The following GALNTL6 variants were observed in gnomAD, a reference collection of about 807,000 sequenced individuals.
The protein encoded by GALNTL6 is polypeptide N-acetylgalactosaminyltransferase like 6, also known as polypeptide N-acetylgalactosaminyltransferase-like 6.
In GALNTL6, 46 loss-of-function variants were observed where a neutral mutation model predicts 73.7. The observed-to-expected ratio is 0.62, with a 90% CI of 0.49 to 0.80. The LOEUF is 0.80. Among genes scored for constraint, GALNTL6 ranks in the 30% least tolerant of loss-of-function variants. GALNTL6 has a pLI of 0.00. For missense variants in GALNTL6, 604 were observed against 755.0 expected, an observed-to-expected ratio of 0.80 and a Z score of 2.34; for synonymous variants, 259 against 263.7, an observed-to-expected ratio of 0.98 and a Z score of 0.17.
At chr4:172,111,282 T>G (rs2110979495) in intron 2 of GALNTL6, among the ~76,000 whole-genome samples, 1 of 152,208 alleles carries the variant, frequency 6.6e-6, no homozygotes, top group East Asian at 1.9e-4. Flanking sequence ...TCTTACAAAT[T>G]TATACTATCA....
intron 2 of GALNTL6, among the ~76,000 whole-genome samples, chr4:172,216,740 A>T (rs1423545581): frequency 1.3e-5 from 2 of 152,184 alleles, no homozygotes; most frequent in Admixed American, 1.3e-4. Context: ...TTTGAGCCAA[A>T]TATGAGTGAC....
intron 2 of GALNTL6, among the ~76,000 whole-genome samples, chr4:172,174,586 A>G (rs1196203893): frequency 1.3e-5 from 2 of 152,200 alleles, no homozygotes; most frequent in African/African-American, 2.4e-5. Context: ...AGTCCTGTCA[A>G]TTTAATGACT....
chr4:172,370,808 C>T (rs1245156937), intron 5 of GALNTL6, among the ~76,000 whole-genome samples: 2 of 151,830 alleles, frequency 1.3e-5, no homozygotes, highest in Non-Finnish European at 2.9e-5. Flanking sequence ...TAGACCTCAG[C>T]GGTTATGGAG....
intron 8 of GALNTL6, among the ~76,000 whole-genome samples, chr4:172,902,389 G>A (rs775701834): frequency 6.6e-6 from 1 of 152,122 alleles, no homozygotes; most frequent in African/African-American, 2.4e-5. Context: ...AGACTGAGAA[G>A]GAAGCCCAAG....
intron 5 of GALNTL6, among the ~76,000 whole-genome samples, chr4:172,774,330 G>A (rs1428079981): frequency 1.3e-5 from 2 of 152,162 alleles, no homozygotes; most frequent in African/African-American, 2.4e-5. Flanking sequence ...CCTTCCAGGA[G>A]CCACTTAATA....
At chr4:171,914,853 T>G (rs1336372242) in intron 2 of GALNTL6, among the ~76,000 whole-genome samples, 1 of 151,952 alleles carries the variant, frequency 6.6e-6, no homozygotes, top group Non-Finnish European at 1.5e-5. Flanking sequence ...TTAGAGTATT[T>G]TTTTACACAG....
At chr4:171,902,238 A>T (rs1737120466) in intron 2 of GALNTL6, among the ~76,000 whole-genome samples, 1 of 152,212 alleles carries the variant, frequency 6.6e-6, no homozygotes, top group Admixed American at 6.5e-5. Flanking sequence ...ACAAAGTGAT[A>T]AATCTTCCAT....
chr4:172,739,139 C>T (rs10023525), intron 5 of GALNTL6, among the ~76,000 whole-genome samples: 54,601 of 152,008 alleles, frequency 0.36, 10,862 homozygotes, highest in African/African-American at 0.52. Flanking sequence ...TTAGAATGAC[C>T]TGGCCAAGGA....
chr4:171,980,986 A>C (rs1739880802), intron 2 of GALNTL6, among the ~76,000 whole-genome samples: 2 of 152,328 alleles, frequency 1.3e-5, no homozygotes, highest in South Asian at 4.1e-4. Context: ...GTTATAAATG[A>C]AACATTTCAA....
intron 5 of GALNTL6, among the ~76,000 whole-genome samples, chr4:172,595,203 A>G (rs972227572): frequency 6.6e-6 from 1 of 152,234 alleles, no homozygotes; most frequent in African/African-American, 2.4e-5. Flanking sequence ...GGGGAGCACA[A>G]ACATTTAGTT....
chr4:172,835,303 C>A (rs1206327197), intron 7 of GALNTL6, among the ~76,000 whole-genome samples: 1 of 152,234 alleles, frequency 6.6e-6, no homozygotes, highest in African/African-American at 2.4e-5. Context: ...AGAACTCCAG[C>A]TGGGAATTGC....
chr4:172,174,291 T>G (rs1734923766), intron 2 of GALNTL6, among the ~76,000 whole-genome samples: 1 of 152,212 alleles, frequency 6.6e-6, no homozygotes, highest in African/African-American at 2.4e-5. Flanking sequence ...GTGTTTATTC[T>G]CAATTTCCTT....
In GALNTL6 at chr4:172,809,397, G is replaced by A. The variant is rs891843933; in HGVS notation, c.590G>A (p.Arg197Gln). 11 of 1,613,640 alleles carry A rather than the reference G, an allele frequency of 6.8e-6. No homozygotes were observed. Among genetic ancestry groups the A allele is most frequent in the East Asian group, 4.5e-5 (2 of 44,874 alleles). Residue 197 changes from arginine (R) to glutamine (Q), a missense_variant, in exon 6 of 13, where the codon CGA becomes CAA. Around this residue, in one of 5 missense-constraint regions of GALNTL6, gnomAD observed 179 missense variants for 230.8 expected, o/e 0.78. Coordinates refer to ENST00000506823, the MANE Select transcript of GALNTL6 (RefSeq NM_001034845.3). This position sits in a 1 kb window ranked among gnomAD's most constrained non-coding sequence, Gnocchi z 4.4. Reference sequence around the variant, plus strand: ...GATAAATTGGAAGAATACATGGCCCGATTTTCCAAAGTGAGGATTGTTCGC... The same window carrying A: ...GATAAATTGGAAGAATACATGGCCCAATTTTCCAAAGTGAGGATTGTTCGC... ...LKDKLEEYMARFSKVRIVRTK... is the reference protein window; with the variant it reads ...LKDKLEEYMAQFSKVRIVRTK...
At position 172,898,902 on chromosome 4, in the gene GALNTL6, C is replaced by G. The variant is rs546647664; in HGVS notation, c.1041+15995C>G. 1.2e-4 allele frequency among the ~76,000 whole-genome samples: 19 copies of G among 152,250 alleles called. No homozygotes were observed. In the South Asian group the frequency reaches 3.9e-3, roughly 32 times the overall value. On this transcript the variant is annotated intron_variant, in intron 8 of 12. Coordinates refer to ENST00000506823, the MANE Select transcript of GALNTL6 (RefSeq NM_001034845.3). ...GTTAAACATCAACCCCTGACCTAAC[C>G]AGTTATGTTATCTATAGATTCCAGA...
At chr4:172,339,975 CA>C in intron 4 of GALNTL6, among the ~76,000 whole-genome samples, 1 of 152,246 alleles carries the variant, frequency 6.6e-6, no homozygotes, top group South Asian at 2.1e-4. Context: ...CTTGAAACAA[CA>C]ACAAAACTTT....
Position 171,866,034 on chromosome 4 carries a change from C to T in GALNTL6, c.138+51316C>T, listed in dbSNP as rs137911808. Among the ~76,000 whole-genome samples, 1,303 of 152,084 alleles carry T rather than the reference C, an allele frequency of 8.6e-3. 19 individuals are homozygous for T. Among genetic ancestry groups the T allele is most frequent in the African/African-American group, 0.03 (1,240 of 41,490 alleles). ...AAAAAAGGCTGTTTTCCCAAACTCC[C>T]ACTAAAAAGAGACTTGTTATCAATA... On this transcript the variant is annotated intron_variant, in intron 2 of 12. Coordinates refer to ENST00000506823, the MANE Select transcript of GALNTL6 (RefSeq NM_001034845.3).
At chr4:172,440,021 G>A (rs1731771808) in intron 5 of GALNTL6, among the ~76,000 whole-genome samples, 2 of 152,022 alleles carry the variant, frequency 1.3e-5, no homozygotes, top group Non-Finnish European at 2.9e-5. Flanking sequence ...GTAAGGATGT[G>A]GAGCAACAGG....
At chr4:172,730,198 T>C (rs1410394803) in intron 5 of GALNTL6, among the ~76,000 whole-genome samples, 1 of 152,182 alleles carries the variant, frequency 6.6e-6, no homozygotes, top group African/African-American at 2.4e-5. Flanking sequence ...GACTTCCTCC[T>C]TTCCAATTTG....
chr4:172,490,240 T>G (rs1733847819), intron 5 of GALNTL6, among the ~76,000 whole-genome samples: 1 of 152,180 alleles, frequency 6.6e-6, no homozygotes, highest in Admixed American at 6.5e-5. Flanking sequence ...AAGTCTTTTG[T>G]GTTTACATAT....
Sources: allele counts gnomAD v4.1 joint callset (sites outside exome capture counted in the v4.1 genomes callset), GRCh38; gene constraint gnomAD v4.1.1; regional missense constraint gnomAD v4.1.1; non-coding constraint Gnocchi (gnomAD v3.1); transcripts MANE v1.5; gene names NCBI Gene and HGNC (gene_info 2026-07-23, HGNC 2026-07-21).